The following SPTBN4 variants were observed in gnomAD, a reference collection of about 807,000 sequenced individuals.
The protein encoded by SPTBN4 is spectrin beta chain, non-erythrocytic 4.
In SPTBN4, 96 loss-of-function variants were observed where a neutral mutation model predicts 277.8. The observed-to-expected ratio is 0.35, with a 90% confidence interval of 0.29 to 0.41. The LOEUF (loss-of-function observed/expected upper bound fraction) is 0.41, where lower values mean the gene tolerates loss of function less well. SPTBN4 is among the 10% of genes least tolerant of loss of function. SPTBN4 has a pLI of 1.00. For missense variants in SPTBN4, 3,006 were observed against 3,595.7 expected (o/e 0.84, Z 4.19); for synonymous variants, 1,481 against 1,580.3 (o/e 0.94, Z 1.49).
intron 7 of SPTBN4, among the ~76,000 whole-genome samples, chr19:40,500,597 A>G (rs1368989077): frequency 6.6e-6 from 1 of 152,240 alleles, no homozygotes; most frequent in Non-Finnish European, 1.5e-5. Context: ...AGGCAGGAGT[A>G]TTGTTTCAGC....
chr19:40,503,115 G>C (rs1291584853), intron 11 of SPTBN4, among the ~76,000 whole-genome samples, 182 bp downstream of exon 11: 3 of 152,078 alleles, frequency 2.0e-5, no homozygotes, highest in Non-Finnish European at 4.4e-5. Context: ...TGAGGGGAAT[G>C]GGCCTGATCT....
chr19:40,517,810 A>G (rs565822929), intron 15 of SPTBN4, among the ~76,000 whole-genome samples: 1 of 152,254 alleles, frequency 6.6e-6, no homozygotes, highest in South Asian at 2.1e-4. Flanking sequence ...CATTTTCCAG[A>G]TGAGGAAACT....
At chr19:40,528,678 CT>C (rs2145890645) in intron 17 of SPTBN4, among the ~76,000 whole-genome samples, 1 of 152,188 alleles carries the variant, frequency 6.6e-6, no homozygotes, top group South Asian at 2.1e-4. Flanking sequence ...CTCTCGCTCT[CT>C]TTCTGGTGTC....
intron 12 of SPTBN4, 25 bp downstream of exon 12, chr19:40,504,157 G>C (rs760777417): frequency 7.6e-7 from 1 of 1,307,802 alleles, no homozygotes; most frequent in South Asian, 1.3e-5. Context: ...GCGGGGATGC[G>C]GGTGGAGTGC....
chr19:40,551,343 C>A (rs947613550), intron 22 of SPTBN4, among the ~76,000 whole-genome samples: 10 of 151,876 alleles, frequency 6.6e-5, no homozygotes, highest in Non-Finnish European at 1.0e-4. Context: ...GAGCCTTGAA[C>A]ACCCCACTGC....
chr19:40,489,973 G>C, intron 3 of SPTBN4, 102 bp from the exon 4 acceptor site: 1 of 1,242,496 alleles, frequency 8.0e-7, no homozygotes, highest in South Asian at 1.6e-5. Context: ...CACTCAGGGG[G>C]CGTGGCCACG....
At chr19:40,497,627 C>A in intron 7 of SPTBN4, 23 bp downstream of exon 7, 1 of 1,599,674 alleles carries the variant, frequency 6.3e-7, no homozygotes, top group Non-Finnish European at 8.6e-7. Flanking sequence ...CGGGCCCAGC[C>A]CAGACTTCGT....
intron 35 of SPTBN4, among the ~76,000 whole-genome samples, chr19:40,573,170 G>A (rs1054635517): frequency 6.6e-6 from 1 of 152,118 alleles, no homozygotes; most frequent in Admixed American, 6.6e-5. Context: ...TAAATTAGCC[G>A]GGAGTGGTGG....
intron 20 of SPTBN4, among the ~76,000 whole-genome samples, 183 bp from the exon 21 acceptor site, chr19:40,549,006 G>A (rs2080886890): frequency 6.6e-6 from 1 of 152,238 alleles, no homozygotes; most frequent in African/African-American, 2.4e-5. Context: ...CTCCGAGGCA[G>A]GGACTAGCTT....
rs192221967 is a variant in SPTBN4, at chr19:40,550,215, C to T, written c.4585-23C>T. 1.7e-4 allele frequency: 267 copies of T among 1,610,822 alleles called. 1 individual carries two copies. In the African/African-American group the frequency reaches 3.3e-3, roughly 20 times the overall value. ...GTTCTTGGATGCATTCTCCCCTTGACCTGCTTCCTGTGTCCTCTCCAGGCA... is the reference window on the plus strand; with the variant it reads ...GTTCTTGGATGCATTCTCCCCTTGATCTGCTTCCTGTGTCCTCTCCAGGCA... On this transcript the variant is annotated intron_variant, in intron 21 of 35. Transcript: ENST00000598249.
In SPTBN4 at chr19:40,519,798, C is replaced by G; in HGVS notation, c.3301C>G (p.Leu1101Val). ...QRFLHDLDAF[L>V]DWLVRAQEAA... is the part of the protein sequence containing the mutation. Reference sequence around the variant, plus strand: ...CTTCCTACATGACCTCGACGCTTTCCTGGACTGGCTCGTGCGCGCCCAGGA... The same window carrying G: ...CTTCCTACATGACCTCGACGCTTTCGTGGACTGGCTCGTGCGCGCCCAGGA... Residue 1101 changes from leucine to valine, a missense_variant, in exon 16 of 36, where the codon CTG becomes GTG. Physicochemically the swap from Leu to Val is conservative, Grantham distance 32. Around this residue, in one of 5 missense-constraint regions of SPTBN4, gnomAD observed 1,759 missense variants for 2,061.5 expected, o/e 0.85. Transcript: ENST00000598249. The surrounding 1 kb of genome is among the most constrained non-coding windows in gnomAD (Gnocchi z 5.7). The G allele has an allele frequency of 3.5e-6, 5 of 1,442,244 alleles. No individual in the cohort carries two copies. The highest frequency in any genetic ancestry group is 1.4e-5 in the South Asian group (1 of 69,410). 89.3% of individuals were successfully genotyped at this position (1,442,244 alleles called of 1,614,324 possible).
intron 2 of SPTBN4, among the ~76,000 whole-genome samples, chr19:40,484,942 CAAAACAA>C (rs1354301209): frequency 5.4e-5 from 7 of 128,656 alleles, no homozygotes; most frequent in African/African-American, 2.0e-4. Context: ...AAAAAAAAAA[CAAAACAA>C]AAACCAAAAA....
At chr19:40,567,141 A>G (rs1047700977) in intron 30 of SPTBN4, 1 of 455,094 alleles carries the variant, frequency 2.2e-6, no homozygotes, top group South Asian at 1.6e-5. Flanking sequence ...CAAACAAAGA[A>G]AAAACAGCCA....
chr19:40,504,096 G>C lies in SPTBN4; in HGVS notation c.1629G>C (p.Glu543Asp). 1 of 1,521,980 alleles carries C rather than the reference G, an allele frequency of 6.6e-7. No individual in the cohort carries two copies. Among genetic ancestry groups the C allele is most frequent in the Non-Finnish European group, 8.9e-7 (1 of 1,118,386 alleles). The allele number at this position is 1,521,980 out of a possible 1,614,324, so 94.3% of individuals were successfully genotyped here. A position where few individuals can be genotyped will look rare whatever the true frequency, so the allele number is the denominator to read the frequency against. ...TTGCCCTGCAGAAGGTCTTCCAGGA[G>C]ATGGTGTACATGGTGGACTGGATGG... ...QNLALQKVFQ[E>D]MVYMVDWMEE... The change falls in exon 12 of 36, where the codon GAG (glutamate) becomes GAC (aspartate). Residue 543 changes from glutamate to aspartate, a missense_variant. Coordinates refer to ENST00000598249, the MANE Select transcript of SPTBN4 (RefSeq NM_020971.3).
intron 16 of SPTBN4, among the ~76,000 whole-genome samples, chr19:40,522,745 C>G (rs756943591): frequency 3.9e-5 from 6 of 152,160 alleles, no homozygotes; most frequent in Non-Finnish European, 7.3e-5. Context: ...AAAATCCTGC[C>G]CTCATGTGGT....
At chr19:40,473,141 G>A (rs1446237030) in intron 2 of SPTBN4, among the ~76,000 whole-genome samples, 2 of 152,020 alleles carry the variant, frequency 1.3e-5, no homozygotes, top group Non-Finnish European at 2.9e-5. Context: ...CCACCTCACC[G>A]GCTCAAGCCA....
At chr19:40,575,350 C>T in intron 35 of SPTBN4, 61 bp from the exon 36 acceptor site, 1 of 1,548,740 alleles carries the variant, frequency 6.5e-7, no homozygotes, top group Non-Finnish European at 8.8e-7. Flanking sequence ...ATCTGAAATT[C>T]ACCTATTATT....
intron 2 of SPTBN4, among the ~76,000 whole-genome samples, chr19:40,476,336 A>C (rs1019844278): frequency 5.7e-5 from 8 of 139,368 alleles, no homozygotes; most frequent in African/African-American, 2.2e-4. Context: ...CAATAGCAAA[A>C]CTCTGTCTCA....
Position 40,519,689 on chromosome 19 carries a change from G to T in SPTBN4, c.3192G>T (p.Glu1064Asp). 1 of 1,389,468 alleles carries T rather than the reference G, an allele frequency of 7.2e-7. No individual in the cohort carries two copies. The highest frequency in any genetic ancestry group is 3.7e-5 in the Admixed American group (1 of 26,998). The allele number at this position is 1,389,468 out of a possible 1,614,324, so 86.1% of individuals were successfully genotyped here. The change falls in exon 16 of 36, where the codon GAG becomes GAT. Residue 1064 changes from glutamate (E) to aspartate (D), a missense_variant. Physicochemically the swap from Glu to Asp is conservative, Grantham distance 45 (BLOSUM62 2). Transcript: ENST00000598249. This position sits in a 1 kb window ranked among gnomAD's most constrained non-coding sequence, Gnocchi z 5.7. ...CGGCGCGGCTGCACCAGGGCGCGGA[G>T]GAGCTGGGCGCCGAGTGGGGCGCGC... ...AQAARLHQGAEELGAEWGALA... is the reference protein window; with the variant it reads ...AQAARLHQGADELGAEWGALA...
Sources: allele counts gnomAD v4.1 joint callset (sites outside exome capture counted in the v4.1 genomes callset), GRCh38; gene constraint gnomAD v4.1.1; regional missense constraint gnomAD v4.1.1; non-coding constraint Gnocchi (gnomAD v3.1); transcripts MANE v1.5; gene names NCBI Gene and HGNC (gene_info 2026-07-23, HGNC 2026-07-21).